Variants in MGA observed in about 807,000 individuals in gnomAD.
The protein encoded by MGA is MAX dimerization protein MGA, also known as MAX gene-associated protein.
Under a neutral mutation model 261.1 loss-of-function variants are expected in MGA, and 40 were observed. The ratio of observed to expected loss-of-function variants is 0.15; its 90% CI spans 0.12 to 0.20. The LOEUF (loss-of-function observed/expected upper bound fraction) is 0.20, where lower values mean the gene tolerates loss of function less well. MGA is among the 10% of genes least tolerant of loss of function. MGA has a pLI of 1.00. For missense variants in MGA, 3,397 were observed against 3,630.5 expected, an observed-to-expected ratio of 0.94 and a Z score of 1.65; for synonymous variants, 1,302 against 1,290.6, an observed-to-expected ratio of 1.01 and a Z score of -0.19.
Position 41,740,167 on chromosome 15 carries a change from A to G in MGA, c.4549A>G (p.Asn1517Asp). 6.2e-7 allele frequency: 1 copy of G among 1,613,996 alleles called. No individual in the cohort carries two copies. Among genetic ancestry groups the G allele is most frequent in the Non-Finnish European group, 8.5e-7 (1 of 1,179,872 alleles). Residue 1517 changes from asparagine (N) to aspartate (D), a missense_variant, in exon 14 of 24, where the codon AAT (asparagine) becomes GAT (aspartate). Coordinates refer to ENST00000219905, the MANE Select transcript of MGA (RefSeq NM_001164273.2). Reference sequence around the variant, plus strand: ...CACTGCAACAAATCGCCCTGGGAAGAATCTGAAGGCGTTTGTCCCAGCAAA... The same window carrying G: ...CACTGCAACAAATCGCCCTGGGAAGGATCTGAAGGCGTTTGTCCCAGCAAA...
chr15:41,717,046 A>G (rs1175052422), intron 9 of MGA, among the ~76,000 whole-genome samples: 1 of 152,170 alleles, frequency 6.6e-6, no homozygotes, highest in African/African-American at 2.4e-5. Context: ...TTCATTCTCC[A>G]TTTTAGAAAT....
intron 19 of MGA, among the ~76,000 whole-genome samples, chr15:41,758,823 GA>G (rs1376198303): frequency 6.6e-6 from 1 of 152,064 alleles, no homozygotes; most frequent in Non-Finnish European, 1.5e-5. Flanking sequence ...AACAGTGTCA[GA>G]AAAAGAGACA....
intron 5 of MGA, among the ~76,000 whole-genome samples, chr15:41,703,068 A>T (rs942505363): frequency 1.9e-4 from 29 of 152,146 alleles, no homozygotes; most frequent in Non-Finnish European, 1.5e-5. Context: ...TTCATACTTT[A>T]TTCAGATTTC....
intron 15 of MGA, among the ~76,000 whole-genome samples, chr15:41,746,840 ATTAATG>A (rs1487633393): frequency 6.6e-6 from 1 of 150,974 alleles, no homozygotes; most frequent in Non-Finnish European, 1.5e-5. Flanking sequence ...AGTTTTATTT[ATTAATG>A]TTAAATAAGC....
intron 2 of MGA, among the ~76,000 whole-genome samples, chr15:41,674,194 ATTATTT>A (rs2058245805): frequency 6.6e-6 from 1 of 151,688 alleles, no homozygotes; most frequent in African/African-American, 2.4e-5. Flanking sequence ...CTGACCAATT[ATTATTT>A]TTTATTTTTA....
In MGA at chr15:41,748,883, C is replaced by T; in HGVS notation, c.5459C>T (p.Ser1820Phe). 1 of 1,613,918 alleles carries T rather than the reference C, an allele frequency of 6.2e-7. No individual in the cohort carries two copies. Among genetic ancestry groups the T allele is most frequent in the East Asian group, 2.2e-5 (1 of 44,882 alleles). Residue 1820 changes from serine to phenylalanine, a missense_variant, in exon 16 of 24, where the codon TCT (serine) becomes TTT (phenylalanine). Physicochemically the swap from Ser to Phe is radical, Grantham distance 155 (BLOSUM62 -2). Transcript: ENST00000219905. ...CTACCTTTGCATCAGCTTCGAGGCT[C>T]TAATACCCAGCCCAACTTACAGCCT...
At chr15:41,644,363 A>G (rs1432734232) in intron 1 of MGA, among the ~76,000 whole-genome samples, 1 of 150,936 alleles carries the variant, frequency 6.6e-6, no homozygotes, top group Non-Finnish European at 1.5e-5. Flanking sequence ...AAAAAAAAAA[A>G]AAAAAAAGAA....
intron 9 of MGA, among the ~76,000 whole-genome samples, chr15:41,719,467 G>C (rs902877312): frequency 6.6e-6 from 1 of 152,166 alleles, no homozygotes; most frequent in East Asian, 1.9e-4. Context: ...CTGGCCACAC[G>C]TGGTGGCTCA....
chr15:41,650,704 C>T (rs1429983481), intron 1 of MGA, among the ~76,000 whole-genome samples: 2 of 152,154 alleles, frequency 1.3e-5, no homozygotes, highest in Non-Finnish European at 2.9e-5. Context: ...TCCAAAAGTG[C>T]TGAGATTACA....
In MGA at chr15:41,636,642, C is replaced by T. The variant is rs1001146630; in HGVS notation, c.-68+15344C>T. On this transcript the variant is annotated intron_variant, in intron 1 of 8. Coordinates refer to the MGA transcript ENST00000566718. Reference sequence around the variant, plus strand: ...GTTAGCCACAGTGGTCTTGAACTCCCGACCTCAAGTGACCTGTCCTCCTCA... The same window carrying T: ...GTTAGCCACAGTGGTCTTGAACTCCTGACCTCAAGTGACCTGTCCTCCTCA... Among the ~76,000 whole-genome samples the T allele has an allele frequency of 7.2e-5, 11 of 151,974 alleles. No homozygotes were observed. In the East Asian group the frequency reaches 9.7e-4, roughly 13 times the overall value.
rs926803970 is a variant in MGA, at chr15:41,769,813, A to G, written c.*2533A>G. On this transcript the variant is annotated 3_prime_UTR_variant, in exon 24 of 24. Transcript: ENST00000219905. ...ATTTAGCATTTTCTTTTATATATTA[A>G]ATATATATATCTTTCCTTTTCTGCT... 6.6e-6 allele frequency: 1 copy of G among 152,520 alleles called. No individual in the cohort carries two copies. Among genetic ancestry groups the G allele is most frequent in the African/African-American group, 2.4e-5 (1 of 41,414 alleles). The allele number at this position is 152,520 out of a possible 1,614,324, so 9.4% of individuals were successfully genotyped here. A position where few individuals can be genotyped will look rare whatever the true frequency, so the allele number is the denominator to read the frequency against.
At chr15:41,765,222 T>C (rs1481153155) in intron 23 of MGA, among the ~76,000 whole-genome samples, 160 bp downstream of exon 23, 2 of 152,244 alleles carry the variant, frequency 1.3e-5, no homozygotes, top group African/African-American at 4.8e-5. Context: ...CACATTTGGC[T>C]TGAGCTGTGG....
chr15:41,678,577 A>G (rs2058505504), intron 2 of MGA, among the ~76,000 whole-genome samples: 1 of 151,068 alleles, frequency 6.6e-6, no homozygotes, highest in African/African-American at 2.4e-5. Flanking sequence ...CAGTGTGGCC[A>G]ACATAGTGAA....
intron 9 of MGA, among the ~76,000 whole-genome samples, chr15:41,720,076 C>T (rs539635254): frequency 6.6e-6 from 1 of 152,182 alleles, no homozygotes; most frequent in East Asian, 1.9e-4. Context: ...AAAAGCAGAA[C>T]TTATAATTTA....
At chr15:41,637,917 G>A (rs989987496) in intron 1 of MGA, among the ~76,000 whole-genome samples, 20 of 149,066 alleles carry the variant, frequency 1.3e-4, no homozygotes, top group Non-Finnish European at 8.9e-5. Context: ...GCTAATTTTT[G>A]TATTTTTAGT....
chr15:41,685,332 A>G (rs1007057877), intron 2 of MGA, among the ~76,000 whole-genome samples: 1 of 152,134 alleles, frequency 6.6e-6, no homozygotes, highest in Non-Finnish European at 1.5e-5. Flanking sequence ...TATGTTTTCT[A>G]TTATTTTGGG....
intron 8 of MGA, among the ~76,000 whole-genome samples, chr15:41,712,480 A>G (rs1402070920): frequency 6.6e-6 from 1 of 152,136 alleles, no homozygotes. Flanking sequence ...GGCCTCCCAA[A>G]GTGCTAGGAT....
At chr15:41,740,339 G>C (rs921666125) in intron 14 of MGA, 136 bp downstream of exon 14, 15 of 972,000 alleles carry the variant, frequency 1.5e-5, no homozygotes, top group Non-Finnish European at 1.8e-5. Flanking sequence ...TGTCTTGCCT[G>C]GACTTTTTTG....
chr15:41,678,171 A>G (rs1177530547), intron 2 of MGA, among the ~76,000 whole-genome samples: 1 of 151,044 alleles, frequency 6.6e-6, no homozygotes, highest in African/African-American at 2.4e-5. Flanking sequence ...ACTCACTGCA[A>G]CCTGTGCCTC....
Sources: gnomAD v4.1 joint callset for allele counts (sites outside exome capture counted in the v4.1 genomes callset) on GRCh38, gnomAD v4.1.1 for gene constraint, MANE v1.5 for transcripts, NCBI Gene and HGNC (gene_info 2026-07-23, HGNC 2026-07-21) for gene names.